TTC6: variants seen among roughly 807,000 people sequenced by gnomAD.
TTC6 encodes tetratricopeptide repeat domain 6, also known as tetratricopeptide repeat protein 6.
In TTC6, 172 loss-of-function variants were observed where a neutral mutation model predicts 210.4. That is an observed-to-expected ratio of 0.82 (90% CI 0.72 to 0.93). The LOEUF (loss-of-function observed/expected upper bound fraction) is 0.93. TTC6 is among the 40% of genes least tolerant of loss of function. TTC6 has a pLI of 0.00. For missense variants in TTC6, 2,414 were observed against 2,318.1 expected (o/e 1.04, Z -0.85); for synonymous variants, 804 against 819.6 (o/e 0.98, Z 0.32).
chr14:37,784,874 C>A (rs1363332759), intron 14 of TTC6, among the ~76,000 whole-genome samples: 1 of 152,162 alleles, frequency 6.6e-6, no homozygotes, highest in Admixed American at 6.5e-5. Flanking sequence ...TTCTCCTTCA[C>A]CTTTGAAGCT....
At chr14:37,810,605 T>G (rs964551687) in intron 24 of TTC6, among the ~76,000 whole-genome samples, 1 of 152,120 alleles carries the variant, frequency 6.6e-6, no homozygotes, top group Admixed American at 6.5e-5. Context: ...TAACAGTGTT[T>G]AGGTGGCTTT....
Position 37,842,155 on chromosome 14 carries a change from CCCTGT to C in TTC6, c.5527_5531del (p.Leu1843PhefsTer4). The stretch of plus-strand genomic sequence containing the variant: ...TATCTTGATTTTTTTTCTTTTGCAG[CCCTGT>C]CTTTGAAGCCTAATGATGCTCTAGT... On this transcript the variant is annotated frameshift_variant and splice_region_variant, in exon 31 of 31. Transcript: ENST00000553443. LOFTEE classifies it high-confidence loss of function. 6.5e-7 allele frequency: 1 copy of C among 1,535,278 alleles called. No homozygotes were observed. Among genetic ancestry groups the C allele is most frequent in the Non-Finnish European group, 8.7e-7 (1 of 1,145,624 alleles).
intron 1 of TTC6, among the ~76,000 whole-genome samples, chr14:37,659,799 A>G (rs177882): frequency 0.3 from 45,291 of 152,010 alleles, 6,995 homozygotes; most frequent in Middle Eastern, 0.35. Flanking sequence ...GGGATTACGG[A>G]TGTGACCCAC....
chr14:37,840,395 G>A (rs897198255), intron 29 of TTC6, among the ~76,000 whole-genome samples: 3 of 152,088 alleles, frequency 2.0e-5, no homozygotes, highest in East Asian at 1.9e-4. Flanking sequence ...ATTCACAGCC[G>A]AATTCTGCCA....
At chr14:37,735,222 T>G (rs1332413554) in intron 7 of TTC6, among the ~76,000 whole-genome samples, 2 of 152,186 alleles carry the variant, frequency 1.3e-5, no homozygotes, top group African/African-American at 2.4e-5. Flanking sequence ...ATCTGACTTT[T>G]TATTCAATAA....
intron 6 of TTC6, among the ~76,000 whole-genome samples, chr14:37,715,156 A>G (rs2095850586): frequency 1.3e-5 from 2 of 152,042 alleles, no homozygotes; most frequent in Admixed American, 6.6e-5. Flanking sequence ...GGCAACAGAG[A>G]GAGTCCCTGT....
chr14:37,739,787 T>C (rs1187899720), intron 10 of TTC6, among the ~76,000 whole-genome samples: 1 of 152,066 alleles, frequency 6.6e-6, no homozygotes, highest in Admixed American at 6.6e-5. Flanking sequence ...AAAAAACAAC[T>C]CCTGCTCCAC....
chr14:37,732,763 G>A (rs977318823), intron 7 of TTC6, among the ~76,000 whole-genome samples: 6 of 145,486 alleles, frequency 4.1e-5, no homozygotes, highest in Non-Finnish European at 6.1e-5. Context: ...GACTACAGGC[G>A]CCCGCCACCA....
chr14:37,819,178 C>T (rs532567212), intron 26 of TTC6, among the ~76,000 whole-genome samples: 1 of 152,268 alleles, frequency 6.6e-6, no homozygotes, highest in South Asian at 2.1e-4. Flanking sequence ...CTCAGAGTCC[C>T]AGTTCCACGT....
intron 1 of TTC6, among the ~76,000 whole-genome samples, chr14:37,599,394 C>A (rs1382951542): frequency 6.6e-6 from 1 of 152,222 alleles, no homozygotes; most frequent in Non-Finnish European, 1.5e-5. Context: ...CCGTAACGGG[C>A]CTCAACCCCG....
chr14:37,779,395 A>G (rs1595249470), intron 14 of TTC6, among the ~76,000 whole-genome samples: 2 of 152,210 alleles, frequency 1.3e-5, no homozygotes, highest in East Asian at 3.9e-4. Context: ...CTTATTTTGA[A>G]GGATAAGTGC....
At chr14:37,642,501 T>G (rs1432204092) in intron 1 of TTC6, among the ~76,000 whole-genome samples, 1 of 152,238 alleles carries the variant, frequency 6.6e-6, no homozygotes. Context: ...TGTAACAGAC[T>G]GACCTGCTTT....
exon 10 of TTC6, chr14:37,739,107 T>G (rs2095910362): frequency 6.5e-7 from 1 of 1,527,480 alleles, no homozygotes; most frequent in Non-Finnish European, 8.7e-7. Flanking sequence ...CAACAAAAAC[T>G]TATATTCGTG....
rs373415773 is a variant in TTC6 at position 37,732,953 on chromosome 14, G to T, written c.1819-2968G>T. On this transcript the variant is annotated intron_variant, in intron 7 of 30. Transcript: ENST00000553443. ...ATTAGGCTGAGGCAGAGGAAGAAGA[G>T]GGGTTGATTTTGCTGTTACAGGGGT... Among the ~76,000 whole-genome samples, 22 of 152,112 alleles carry T rather than the reference G, an allele frequency of 1.4e-4. 1 individual carries two copies. The highest frequency in any genetic ancestry group is 1.2e-3 in the East Asian group (6 of 5,190).
At chr14:37,772,742 G>A (rs1329950297) in intron 14 of TTC6, among the ~76,000 whole-genome samples, 2 of 152,160 alleles carry the variant, frequency 1.3e-5, no homozygotes, top group Non-Finnish European at 2.9e-5. Context: ...ACCTCAGATG[G>A]AAATGCAGAT....
In TTC6 at chr14:37,776,129, C is replaced by A; in HGVS notation, c.3267-11339C>A. On this transcript the variant is annotated intron_variant, in intron 14 of 30. Transcript: ENST00000553443. ...GCAGTGGCGCAATCTCGGCTCACTG[C>A]AAGCTCCGATTCCCGGGTTCACGCC... Among the ~76,000 whole-genome samples the A allele has an allele frequency of 8.8e-5, 2 of 22,692 alleles. 1 individual carries two copies. The highest frequency in any genetic ancestry group is 2.3e-3 in the East Asian group (2 of 868). The allele number at this position is 22,692 out of a possible 152,430, so 14.9% of individuals were successfully genotyped here. A position where few individuals can be genotyped will look rare whatever the true frequency, so the allele number is the denominator to read the frequency against.
intron 7 of TTC6, 100 bp from the exon 10 acceptor site, chr14:37,735,821 G>A: frequency 1.6e-6 from 1 of 625,896 alleles, no homozygotes; most frequent in Non-Finnish European, 2.6e-6. Context: ...TTTCTCTTTG[G>A]TTCTTTTGTT....
upstream of TTC6, among the ~76,000 whole-genome samples, chr14:37,617,365 A>T (rs2095644478): frequency 6.6e-6 from 1 of 152,176 alleles, no homozygotes; most frequent in Non-Finnish European, 1.5e-5. Flanking sequence ...AGTGACTGTT[A>T]TAAAGGGCTG....
At chr14:37,653,887 A>G (rs188599115) in intron 1 of TTC6, among the ~76,000 whole-genome samples, 15 of 152,318 alleles carry the variant, frequency 9.8e-5, no homozygotes, top group Admixed American at 9.1e-4. Flanking sequence ...TACATGCATT[A>G]TAATAGTCGG....
Sources: gnomAD v4.1 joint callset for allele counts (sites outside exome capture counted in the v4.1 genomes callset) on GRCh38, gnomAD v4.1.1 for gene constraint, MANE v1.5 for transcripts, NCBI Gene and HGNC (gene_info 2026-07-23, HGNC 2026-07-21) for gene names.